TMEM132C: variants seen among roughly 807,000 people sequenced by gnomAD.
The protein encoded by TMEM132C is protein phosphatase 1, regulatory subunit 152.
Under a neutral mutation model 61.4 loss-of-function variants are expected in TMEM132C, and 29 were observed. The ratio of observed to expected loss-of-function variants is 0.47; its 90% CI spans 0.35 to 0.64. TMEM132C has a LOEUF of 0.64. Ranked by LOEUF, TMEM132C falls within the 30% of genes least tolerant of loss-of-function variation. TMEM132C has a pLI of 0.00. For synonymous variants in TMEM132C, 656 were observed against 633.1 expected (o/e 1.04, Z -0.54); for missense variants, 1,408 against 1,476.9 (o/e 0.95, Z 0.76).
intron 2 of TMEM132C, among the ~76,000 whole-genome samples, chr12:128,431,596 C>G (rs552929242): frequency 2.1e-5 from 3 of 139,558 alleles, no homozygotes; most frequent in Admixed American, 7.8e-5. Flanking sequence ...ACTCTGTCAC[C>G]CAAGCTGGAG....
chr12:128,667,039 C>T (rs899889510), intron 4 of TMEM132C, among the ~76,000 whole-genome samples: 3 of 152,168 alleles, frequency 2.0e-5, no homozygotes, highest in Middle Eastern at 3.2e-3. Context: ...CACTGCACTC[C>T]AGCCTGGGCG....
intron 5 of TMEM132C, among the ~76,000 whole-genome samples, chr12:128,678,330 C>T (rs1954609962): frequency 6.6e-6 from 1 of 152,164 alleles, no homozygotes; most frequent in African/African-American, 2.4e-5. Flanking sequence ...ACCGTAGCCC[C>T]TTTGTGGACT....
At chr12:128,688,558 G>C (rs1342416062) in intron 5 of TMEM132C, among the ~76,000 whole-genome samples, 3 of 152,118 alleles carry the variant, frequency 2.0e-5, no homozygotes, top group Admixed American at 1.3e-4. Flanking sequence ...TCACATGAAC[G>C]TGCTAAAAGT....
chr12:128,607,368 T>C (rs2200812), intron 3 of TMEM132C, among the ~76,000 whole-genome samples: 6,945 of 152,138 alleles, frequency 0.046, 513 homozygotes, highest in African/African-American at 0.16. Flanking sequence ...CCAAGTGAGA[T>C]GGGGAAGCCC....
intron 6 of TMEM132C, 123 bp from the exon 7 acceptor site, chr12:128,695,707 C>T (rs1954755284): frequency 9.3e-7 from 1 of 1,079,906 alleles, no homozygotes; most frequent in Admixed American, 2.9e-5. Context: ...GTGCCCCTTG[C>T]ATGGTCCTGG....
intron 1 of TMEM132C, among the ~76,000 whole-genome samples, chr12:128,296,701 G>T (rs1249917996): frequency 6.6e-6 from 1 of 152,154 alleles, no homozygotes; most frequent in African/African-American, 2.4e-5. Flanking sequence ...CCTCCGTCAG[G>T]TTCATGACTG....
intron 1 of TMEM132C, among the ~76,000 whole-genome samples, chr12:128,410,359 T>A (rs1170962286): frequency 6.9e-6 from 1 of 144,662 alleles, no homozygotes; most frequent in Non-Finnish European, 1.5e-5. Context: ...TTATCACTAG[T>A]TCTGAATATA....
intron 4 of TMEM132C, among the ~76,000 whole-genome samples, chr12:128,653,876 A>G (rs1400444757): frequency 1.3e-5 from 2 of 152,144 alleles, no homozygotes; most frequent in African/African-American, 4.8e-5. Context: ...AGGGGAGAGC[A>G]CACTGGGGGG....
At chr12:128,404,044 A>G (rs1294164444) in intron 1 of TMEM132C, among the ~76,000 whole-genome samples, 3 of 152,166 alleles carry the variant, frequency 2.0e-5, no homozygotes, top group African/African-American at 7.2e-5. Context: ...AGATGTCAAT[A>G]ACAGCCCCCT....
chr12:128,605,099 A>G (rs1234263052), intron 3 of TMEM132C, among the ~76,000 whole-genome samples: 1 of 151,868 alleles, frequency 6.6e-6, no homozygotes. Context: ...TGGATGGATG[A>G]ATAGACAGAT....
intron 5 of TMEM132C, among the ~76,000 whole-genome samples, chr12:128,670,295 C>T (rs1456261280): frequency 1.3e-5 from 2 of 152,022 alleles, no homozygotes; most frequent in African/African-American, 2.4e-5. Flanking sequence ...GGTGGCAGAG[C>T]GAGACTCCAT....
At chr12:128,668,969 T>C (rs1354931274) in intron 4 of TMEM132C, among the ~76,000 whole-genome samples, 1 of 152,182 alleles carries the variant, frequency 6.6e-6, no homozygotes, top group Non-Finnish European at 1.5e-5. Context: ...CAATGTCCCT[T>C]TTACCATGTA....
At chr12:128,587,801 A>G (rs1190495965) in intron 3 of TMEM132C, among the ~76,000 whole-genome samples, 3 of 152,210 alleles carry the variant, frequency 2.0e-5, no homozygotes, top group South Asian at 4.1e-4. Flanking sequence ...TGTTAAATAA[A>G]TGTGTGTAAG....
At chr12:128,545,250 G>T (rs1873907404) in intron 3 of TMEM132C, among the ~76,000 whole-genome samples, 1 of 152,178 alleles carries the variant, frequency 6.6e-6, no homozygotes, top group Admixed American at 6.5e-5. Flanking sequence ...CCATTAATTT[G>T]CTTAGGATAA....
intron 3 of TMEM132C, among the ~76,000 whole-genome samples, chr12:128,596,581 G>C (rs940643613): frequency 6.7e-6 from 1 of 150,010 alleles, no homozygotes; most frequent in Non-Finnish European, 1.5e-5. Context: ...CCCTTTTGCA[G>C]GTCCTGGTAC....
chr12:128,694,043 CG>C lies in TMEM132C; in HGVS notation c.1655+11del. 6.4e-7 allele frequency: 1 copy of C among 1,551,306 alleles called. No individual in the cohort carries two copies. The highest frequency in any genetic ancestry group is 8.7e-7 in the Non-Finnish European group (1 of 1,146,804). On this transcript the variant is annotated intron_variant, in intron 6 of 8. Transcript: ENST00000435159. The stretch of plus-strand genomic sequence containing the variant: ...ATTGTGACCAATAAGAGGTGAGCCT[CG>C]GATGGGGAGATGCCCTAGAGCCAAA...
intron 1 of TMEM132C, among the ~76,000 whole-genome samples, chr12:128,290,594 G>A (rs181664465): frequency 1.2e-4 from 19 of 152,114 alleles, no homozygotes; most frequent in Non-Finnish European, 2.4e-4. Context: ...TTGTCAAATA[G>A]GGTCCCCCCT....
In TMEM132C at chr12:128,278,215, G is replaced by A. The variant is rs1007420249; in HGVS notation, c.85+10728G>A. Reference sequence around the variant, plus strand: ...TGTTTCGGGGCATTTGTTCTGCTCCGGCTTTGTTCCCTCTTTCCTGCCTCC... The same window carrying A: ...TGTTTCGGGGCATTTGTTCTGCTCCAGCTTTGTTCCCTCTTTCCTGCCTCC... On this transcript the variant is annotated intron_variant, in intron 1 of 8. Coordinates refer to ENST00000435159, the MANE Select transcript of TMEM132C (RefSeq NM_001136103.3). The surrounding 1 kb of genome is among the most constrained non-coding windows in gnomAD (Gnocchi z 4.2). 1.3e-5 allele frequency among the ~76,000 whole-genome samples: 2 copies of A among 152,078 alleles called. No individual in the cohort carries two copies. Among genetic ancestry groups the A allele is most frequent in the African/African-American group, 2.4e-5 (1 of 41,406 alleles).
At chr12:128,501,593 C>T (rs896593765) in intron 2 of TMEM132C, among the ~76,000 whole-genome samples, 3 of 152,202 alleles carry the variant, frequency 2.0e-5, no homozygotes, top group African/African-American at 7.2e-5. Context: ...GTGACGTGCT[C>T]TACCAGAAGT....
Sources: gnomAD v4.1 joint callset for allele counts (sites outside exome capture counted in the v4.1 genomes callset) on GRCh38, gnomAD v4.1.1 for gene constraint, Gnocchi (gnomAD v3.1) non-coding constraint, MANE v1.5 for transcripts, NCBI Gene and HGNC (gene_info 2026-07-23, HGNC 2026-07-21) for gene names.